LRRTM4: variants seen among roughly 807,000 people sequenced by gnomAD.
LRRTM4 encodes leucine rich repeat transmembrane neuronal 4, also known as leucine-rich repeat transmembrane neuronal protein 4.
In LRRTM4, 25 loss-of-function variants were observed where a neutral mutation model predicts 47.6. That is an observed-to-expected ratio of 0.53 (90% CI 0.38 to 0.73). The LOEUF (loss-of-function observed/expected upper bound fraction) is 0.73, where lower values mean the gene tolerates loss of function less well. Ranked by LOEUF, LRRTM4 falls within the 30% of genes least tolerant of loss-of-function variation. The probability of loss-of-function intolerance (pLI) is 0.00; values close to 1 mark genes in which losing one functional copy is unlikely to be tolerated. For synonymous variants in LRRTM4, 311 were observed against 269.5 expected (o/e 1.15, Z -1.51); for missense variants, 638 against 713.4 (o/e 0.89, Z 1.20).
intron 3 of LRRTM4, among the ~76,000 whole-genome samples, chr2:77,166,652 C>G (rs1328430053): frequency 2.0e-5 from 3 of 152,108 alleles, no homozygotes; most frequent in Non-Finnish European, 4.4e-5. Flanking sequence ...AATAATATCA[C>G]ACACCTACAA....
intron 3 of LRRTM4, among the ~76,000 whole-genome samples, chr2:77,145,776 A>AAAATAAAT (rs71381266): frequency 0.031 from 4,584 of 148,046 alleles, 146 homozygotes; most frequent in African/African-American, 0.077. Flanking sequence ...TCCGTCTCAA[A>AAAATAAAT]AAATAAATAA....
intron 3 of LRRTM4, among the ~76,000 whole-genome samples, chr2:77,327,339 T>A (rs944438757): frequency 1.1e-4 from 17 of 152,308 alleles, no homozygotes; most frequent in African/African-American, 4.1e-4. Flanking sequence ...ATTTTGAGAT[T>A]CTCAGCTCCT....
chr2:77,489,549 C>A (rs1303831049), intron 3 of LRRTM4, among the ~76,000 whole-genome samples: 1 of 152,174 alleles, frequency 6.6e-6, no homozygotes, highest in Non-Finnish European at 1.5e-5. Flanking sequence ...AAGCAACATG[C>A]ACATTTAAGA....
chr2:76,773,807 T>A (rs914250759), intron 3 of LRRTM4, among the ~76,000 whole-genome samples: 1 of 129,636 alleles, frequency 7.7e-6, no homozygotes, highest in Non-Finnish European at 1.8e-5. Context: ...GTTTTTGGCA[T>A]TTTTTTTTTT....
intron 3 of LRRTM4, among the ~76,000 whole-genome samples, chr2:77,445,989 A>C (rs1676035313): frequency 1.3e-5 from 2 of 152,028 alleles, no homozygotes; most frequent in African/African-American, 4.8e-5. Context: ...GTGAGATGTA[A>C]TCATAATGCA....
intron 3 of LRRTM4, among the ~76,000 whole-genome samples, chr2:77,472,365 A>C (rs1334558663): frequency 6.6e-6 from 1 of 152,196 alleles, no homozygotes; most frequent in Admixed American, 6.6e-5. Flanking sequence ...AAGAAATTAC[A>C]TACTGATTGA....
chr2:76,803,928 A>G (rs1199205513), intron 3 of LRRTM4, among the ~76,000 whole-genome samples: 1 of 152,216 alleles, frequency 6.6e-6, no homozygotes, highest in Non-Finnish European at 1.5e-5. Flanking sequence ...AGCACGCAAC[A>G]AAAACTTGAA....
intron 3 of LRRTM4, among the ~76,000 whole-genome samples, chr2:77,375,736 T>C (rs913412209): frequency 3.3e-5 from 5 of 151,774 alleles, no homozygotes; most frequent in African/African-American, 4.8e-5. Context: ...TCATCCAGTT[T>C]GATCACTGTT....
At chr2:77,482,483 G>A (rs1001980347) in intron 3 of LRRTM4, among the ~76,000 whole-genome samples, 2 of 151,700 alleles carry the variant, frequency 1.3e-5, no homozygotes, top group South Asian at 2.1e-4. Context: ...TAATTTCTAT[G>A]CTATTTGAAT....
intron 3 of LRRTM4, among the ~76,000 whole-genome samples, chr2:76,892,475 G>T (rs1929450): frequency 0.045 from 6,813 of 151,588 alleles, 331 homozygotes; most frequent in East Asian, 0.13. Flanking sequence ...ATTTTGGGAA[G>T]AACAAATAGG....
intron 3 of LRRTM4, among the ~76,000 whole-genome samples, chr2:76,753,278 A>T (rs779401091): frequency 5.3e-5 from 8 of 152,166 alleles, no homozygotes; most frequent in Non-Finnish European, 1.0e-4. Context: ...TGCTGAAAGT[A>T]TTCCCTGATA....
At chr2:76,987,022 T>C (rs1676821881) in intron 3 of LRRTM4, among the ~76,000 whole-genome samples, 1 of 151,962 alleles carries the variant, frequency 6.6e-6, no homozygotes, top group South Asian at 2.1e-4. Flanking sequence ...CAATAAAGTA[T>C]TCTTTTATTT....
intron 3 of LRRTM4, among the ~76,000 whole-genome samples, chr2:77,214,105 A>G (rs1674371011): frequency 6.6e-6 from 1 of 152,184 alleles, no homozygotes; most frequent in African/African-American, 2.4e-5. Context: ...TGTTCTGGCA[A>G]TAAAGAATTC....
chr2:77,493,972 T>C (rs1678264777), intron 3 of LRRTM4, among the ~76,000 whole-genome samples: 2 of 152,136 alleles, frequency 1.3e-5, no homozygotes, highest in Admixed American at 1.3e-4. Context: ...ACCATGAAAT[T>C]GAAATAGAAT....
At chr2:77,092,821 C>A (rs978304087) in intron 3 of LRRTM4, among the ~76,000 whole-genome samples, 1 of 142,126 alleles carries the variant, frequency 7.0e-6, no homozygotes, top group Non-Finnish European at 1.5e-5. Flanking sequence ...AGCAGTTTTT[C>A]AGGCTCTTAG....
chr2:77,011,467 A>G (rs1677870359), intron 3 of LRRTM4, among the ~76,000 whole-genome samples: 1 of 151,496 alleles, frequency 6.6e-6, no homozygotes, highest in Non-Finnish European at 1.5e-5. Context: ...TTTTAACTGC[A>G]TGCTTATTGT....
intron 3 of LRRTM4, among the ~76,000 whole-genome samples, chr2:77,316,713 T>A (rs1677629533): frequency 6.6e-6 from 1 of 151,954 alleles, no homozygotes; most frequent in Admixed American, 6.6e-5. Flanking sequence ...ACACCTACAT[T>A]TTTTGGATAT....
chr2:77,294,694 T>C (rs1370441643), intron 3 of LRRTM4, among the ~76,000 whole-genome samples: 2 of 152,112 alleles, frequency 1.3e-5, no homozygotes, highest in Non-Finnish European at 2.9e-5. Context: ...TATGTTCTTC[T>C]CAGAGGTATT....
intron 3 of LRRTM4, among the ~76,000 whole-genome samples, chr2:76,971,905 T>G (rs1676232776): frequency 6.6e-6 from 1 of 152,050 alleles, no homozygotes; most frequent in Admixed American, 6.6e-5. Flanking sequence ...AGTTATTTGC[T>G]TCTCTATAAA....
Sources: gnomAD v4.1 joint callset for allele counts (sites outside exome capture counted in the v4.1 genomes callset) on GRCh38, gnomAD v4.1.1 for gene constraint, MANE v1.5 for transcripts, NCBI Gene and HGNC (gene_info 2026-07-23, HGNC 2026-07-21) for gene names.